The following ACBD6 variants were observed in gnomAD, a reference collection of about 807,000 sequenced individuals.
ACBD6 encodes acyl-CoA-binding domain-containing protein 6.
ACBD6 carries 28 observed loss-of-function variants against 37.2 expected under a neutral mutation model. That is an observed-to-expected ratio of 0.75 (90% CI 0.56 to 1.03). The LOEUF is 1.03. Among genes scored for constraint, ACBD6 ranks in the 50% least tolerant of loss-of-function variants. The probability of loss-of-function intolerance (pLI) is 0.00; values close to 1 mark genes in which losing one functional copy is unlikely to be tolerated. For missense variants in ACBD6, 340 were observed against 337.4 expected (o/e 1.01, Z -0.06); for synonymous variants, 113 against 126.8 (o/e 0.89, Z 0.73).
chr1:180,336,868 C>T (rs1316019408), intron 6 of ACBD6, among the ~76,000 whole-genome samples: 15 of 152,144 alleles, frequency 9.9e-5, no homozygotes, highest in African/African-American at 2.7e-4. Flanking sequence ...TCAGAGAATA[C>T]TATAAACACC....
chr1:180,287,967 A>G (rs552824917), downstream of ACBD6, among the ~76,000 whole-genome samples: 1 of 152,340 alleles, frequency 6.6e-6, no homozygotes, highest in East Asian at 1.9e-4. Context: ...GCTACAAAAG[A>G]TAATTTGATC....
chr1:180,302,275 T>G (rs1450908512), intron 7 of ACBD6, among the ~76,000 whole-genome samples: 2 of 152,112 alleles, frequency 1.3e-5, no homozygotes, highest in East Asian at 3.8e-4. Context: ...GACATGTAAC[T>G]TTTCCTTAAT....
At chr1:180,295,453 T>C (rs1025493426) in intron 7 of ACBD6, among the ~76,000 whole-genome samples, 1 of 152,120 alleles carries the variant, frequency 6.6e-6, no homozygotes, top group Non-Finnish European at 1.5e-5. Context: ...CAGTTCAAAA[T>C]ATTTTATATA....
intron 9 of ACBD6, chr1:180,275,472 A>G (rs1376058587): frequency 6.6e-6 from 1 of 152,244 alleles, no homozygotes; most frequent in Non-Finnish European, 1.5e-5. Flanking sequence ...ACACATTTGG[A>G]TTCCAAACCT....
At chr1:180,442,064 C>G (rs868288385) in intron 3 of ACBD6, among the ~76,000 whole-genome samples, 1 of 152,118 alleles carries the variant, frequency 6.6e-6, no homozygotes, top group African/African-American at 2.4e-5. Context: ...ACAGGTTGGT[C>G]GTCTTTTCCT....
intron 6 of ACBD6, among the ~76,000 whole-genome samples, chr1:180,335,410 T>A (rs1040767161): frequency 1.2e-4 from 18 of 152,086 alleles, no homozygotes; most frequent in Non-Finnish European, 2.2e-4. Flanking sequence ...CCAGCCAAAC[T>A]AAGCTTCATA....
intron 3 of ACBD6, among the ~76,000 whole-genome samples, chr1:180,452,698 T>C (rs4652503): frequency 6.6e-6 from 1 of 152,074 alleles, no homozygotes; most frequent in Non-Finnish European, 1.5e-5. Flanking sequence ...AGAGAGAAGA[T>C]TCAATAGACA....
chr1:180,334,942 G>A (rs1249645005), intron 6 of ACBD6, among the ~76,000 whole-genome samples: 2 of 152,106 alleles, frequency 1.3e-5, no homozygotes, highest in African/African-American at 2.4e-5. Context: ...GAAATGAAGC[G>A]AGAAGAGAAG....
chr1:180,351,116 T>C (rs949181850), intron 6 of ACBD6, among the ~76,000 whole-genome samples: 3 of 152,340 alleles, frequency 2.0e-5, no homozygotes, highest in South Asian at 4.1e-4. Flanking sequence ...AATAATCCTA[T>C]GAAATATAAT....
chr1:180,283,000 GT>G (rs1311836201), intron 8 of ACBD6, among the ~76,000 whole-genome samples: 2 of 138,712 alleles, frequency 1.4e-5, no homozygotes, highest in African/African-American at 5.4e-5. Flanking sequence ...TTTTGGAAGG[GT>G]TCCAAACTCA....
intron 3 of ACBD6, among the ~76,000 whole-genome samples, chr1:180,459,548 G>C (rs143668300): frequency 6.6e-6 from 1 of 152,254 alleles, no homozygotes; most frequent in Admixed American, 6.5e-5. Flanking sequence ...ACTAGGACAA[G>C]GGCTCTCACT....
intron 1 of ACBD6, among the ~76,000 whole-genome samples, chr1:180,499,746 T>C (rs1651878224): frequency 1.3e-5 from 2 of 152,180 alleles, no homozygotes; most frequent in Non-Finnish European, 1.5e-5. Flanking sequence ...GGACAAAGTA[T>C]AACAAATGAC....
At chr1:180,351,889 A>T (rs1255155997) in intron 6 of ACBD6, among the ~76,000 whole-genome samples, 1 of 152,232 alleles carries the variant, frequency 6.6e-6, no homozygotes, top group African/African-American at 2.4e-5. Flanking sequence ...AAAAGGTGGG[A>T]ACAATATGCA....
chr1:180,384,767 T>A (rs1230901029), intron 6 of ACBD6, among the ~76,000 whole-genome samples: 1 of 152,086 alleles, frequency 6.6e-6, no homozygotes, highest in Non-Finnish European at 1.5e-5. Flanking sequence ...CATCTACAGA[T>A]GAATGGATAA....
At chr1:180,473,546 C>A (rs797006648) in intron 3 of ACBD6, among the ~76,000 whole-genome samples, 4 of 151,466 alleles carry the variant, frequency 2.6e-5, no homozygotes, top group African/African-American at 9.7e-5. Flanking sequence ...CTCTATCTAA[C>A]TTTGTAACAC....
At position 180,357,852 on chromosome 1, in the gene ACBD6, T is replaced by C. The variant is rs189499996; in HGVS notation, c.663+39664A>G. 2.5e-3 allele frequency among the ~76,000 whole-genome samples: 383 copies of C among 152,300 alleles called. 2 individuals carry two copies. Among genetic ancestry groups the C allele is most frequent in the African/African-American group, 8.1e-3 (335 of 41,566 alleles). On this transcript the variant is annotated intron_variant, in intron 6 of 7. Transcript: ENST00000367595. ...TCATGGTGCTAGAGACTTGATGCTCTTGCCAGCAGAGCTTATTTCATAAGC... is the reference window on the plus strand; with the variant it reads ...TCATGGTGCTAGAGACTTGATGCTCCTGCCAGCAGAGCTTATTTCATAAGC...
rs141737680 is a variant in ACBD6 at position 180,306,639 on chromosome 1, G to A, written c.694+8053C>T. Among the ~76,000 whole-genome samples the A allele has an allele frequency of 2.7e-3, 409 of 152,266 alleles. 2 individuals are homozygous for A. The highest frequency in any genetic ancestry group is 9.5e-3 in the African/African-American group (396 of 41,560). ...TTCATTTACATTATTGCATGTAGAT[G>A]TAGCTCATTCTCACTGCTGTATAGT... On this transcript the variant is annotated intron_variant, in intron 7 of 7. Coordinates refer to ENST00000367595, the MANE Select transcript of ACBD6 (RefSeq NM_032360.4).
intron 3 of ACBD6, among the ~76,000 whole-genome samples, chr1:180,446,913 T>C (rs1161250653): frequency 6.6e-6 from 1 of 152,046 alleles, no homozygotes; most frequent in African/African-American, 2.4e-5. Context: ...TGGTGGTGCA[T>C]ATCTGTAATC....
At chr1:180,319,827 A>T (rs752587080) in intron 6 of ACBD6, among the ~76,000 whole-genome samples, 12 of 152,226 alleles carry the variant, frequency 7.9e-5, no homozygotes, top group Non-Finnish European at 1.3e-4. Context: ...GTTGCAAATG[A>T]CAAGATCTCA....
Sources: allele counts gnomAD v4.1 joint callset (sites outside exome capture counted in the v4.1 genomes callset), GRCh38; gene constraint gnomAD v4.1.1; transcripts MANE v1.5; gene names NCBI Gene and HGNC (gene_info 2026-07-23, HGNC 2026-07-21).